Variants in ZFYVE21 observed in about 807,000 individuals in gnomAD.
The protein encoded by ZFYVE21 is zinc finger FYVE domain-containing protein 21.
Under a neutral mutation model 29.5 loss-of-function variants are expected in ZFYVE21, and 21 were observed. The observed-to-expected ratio is 0.71, with a 90% CI of 0.50 to 1.02. The LOEUF is 1.02. ZFYVE21 is among the 50% of genes least tolerant of loss of function. The pLI is 0.00. For missense variants in ZFYVE21, 326 were observed against 335.4 expected, an observed-to-expected ratio of 0.97 and a Z score of 0.22; for synonymous variants, 151 against 133.8, an observed-to-expected ratio of 1.13 and a Z score of -0.89.
intron 5 of ZFYVE21, chr14:103,730,893 C>G (rs771939921): frequency 6.6e-6 from 1 of 152,328 alleles, no homozygotes; most frequent in Admixed American, 6.5e-5. Context: ...CAAATGCAGG[C>G]GGTAGGCAGA....
rs2084002831 is a variant in ZFYVE21, at chr14:103,733,160, G to A, written c.*142G>A. The A allele has an allele frequency of 1.0e-6, 1 of 1,002,700 alleles. No individual in the cohort carries two copies. Among genetic ancestry groups the A allele is most frequent in the East Asian group, 2.5e-5 (1 of 39,724 alleles). The allele number at this position is 1,002,700 out of a possible 1,614,324, so 62.1% of individuals were successfully genotyped here. A position where few individuals can be genotyped will look rare whatever the true frequency, so the allele number is the denominator to read the frequency against. The stretch of plus-strand genomic sequence containing the variant: ...ACTCACTCATGTATTTGGAGAAACA[G>A]GAGTGTTCACTTATCTAGTGCAATA... On this transcript the variant is annotated 3_prime_UTR_variant, in exon 7 of 7. Transcript: ENST00000311141.
At chr14:103,727,373 T>TTCCCCCCCCCCCCCCGCCC in intron 2 of ZFYVE21, 1 of 129,272 alleles carries the variant, frequency 7.7e-6, no homozygotes, top group Non-Finnish European at 1.5e-5. Flanking sequence ...CCCCGCCCCC[T>TTCCCCCCCCCCCCCCGCCC]CTGCCCCCTC....
rs890338309 is a variant in ZFYVE21 at position 103,716,339 on chromosome 14, C to G, written c.138+360C>G. Among the ~76,000 whole-genome samples the G allele has an allele frequency of 1.3e-5, 2 of 152,160 alleles. No individual in the cohort carries two copies. Among genetic ancestry groups the G allele is most frequent in the Non-Finnish European group, 2.9e-5 (2 of 68,016 alleles). On this transcript the variant is annotated intron_variant, in intron 1 of 6. Coordinates refer to ENST00000311141, the MANE Select transcript of ZFYVE21 (RefSeq NM_024071.4). This position sits in a 1 kb window ranked among gnomAD's most constrained non-coding sequence, Gnocchi z 4.8. ...GGGCTAGCGCGTGTGGACTGCGTCC[C>G]GAGAGCTGGGGCTCGCTCCCGAGAA...
intron 2 of ZFYVE21, 101 bp from the exon 3 acceptor site, chr14:103,727,645 C>T (rs543471608): frequency 1.3e-6 from 2 of 1,493,588 alleles, no homozygotes; most frequent in South Asian, 1.2e-5. Context: ...AGGGGCCTCG[C>T]GTTTAGGCGT....
rs577347766 is a variant in ZFYVE21, at chr14:103,722,054, AGGC to A, written c.139-4736_139-4734del. Among the ~76,000 whole-genome samples the A allele has an allele frequency of 6.4e-4, 97 of 152,284 alleles. 1 individual carries two copies. The highest frequency in any genetic ancestry group is 2.3e-3 in the African/African-American group (94 of 41,558). On this transcript the variant is annotated intron_variant, in intron 1 of 6. Coordinates refer to ENST00000311141, the MANE Select transcript of ZFYVE21 (RefSeq NM_024071.4). ...CAGAGCTGCGGGGTCCAGTTAAAGG[AGGC>A]GCTGGTGGGAGCCTGGTCTGGGGCC... is the stretch of plus-strand genomic sequence containing the variant.
chr14:103,727,358 C>T, intron 2 of ZFYVE21: 1 of 370,958 alleles, frequency 2.7e-6, no homozygotes, highest in Non-Finnish European at 5.3e-6. Context: ...GTGCACCCAC[C>T]TGCCCCCCGC....
intron 5 of ZFYVE21, chr14:103,729,822 C>T (rs753583654): frequency 1.1e-5 from 17 of 1,536,202 alleles, no homozygotes; most frequent in Non-Finnish European, 1.4e-5. Context: ...CACCAGCCTC[C>T]GGGGGAGCCA....
At chr14:103,720,758 G>A (rs1182031012) in intron 1 of ZFYVE21, among the ~76,000 whole-genome samples, 1 of 152,162 alleles carries the variant, frequency 6.6e-6, no homozygotes, top group Non-Finnish European at 1.5e-5. Flanking sequence ...GTCTCGACCT[G>A]CAGGTCTCTA....
intron 5 of ZFYVE21, 144 bp from the exon 6 acceptor site, chr14:103,732,476 G>A: frequency 1.0e-6 from 1 of 970,286 alleles, no homozygotes; most frequent in Non-Finnish European, 1.4e-6. Flanking sequence ...TGTTCCCTGG[G>A]TGCTCCTGAG....
At chr14:103,725,251 G>A (rs2083912236) in intron 1 of ZFYVE21, 1 of 152,406 alleles carries the variant, frequency 6.6e-6, no homozygotes. Context: ...TGAGGTTTGG[G>A]AGTTCCGTGC....
At chr14:103,724,177 C>G (rs111228955) in intron 1 of ZFYVE21, among the ~76,000 whole-genome samples, 1 of 152,218 alleles carries the variant, frequency 6.6e-6, no homozygotes, top group African/African-American at 2.4e-5. Context: ...GGCGGCCGCG[C>G]GGTCCCCACC....
chr14:103,730,322 G>C (rs943663193), intron 5 of ZFYVE21: 5 of 157,342 alleles, frequency 3.2e-5, no homozygotes, highest in African/African-American at 1.2e-4. Flanking sequence ...GGATGTGTGT[G>C]GAGCCGGGAT....
intron 1 of ZFYVE21, among the ~76,000 whole-genome samples, chr14:103,721,667 C>T (rs529196650): frequency 6.6e-6 from 1 of 152,362 alleles, no homozygotes; most frequent in East Asian, 1.9e-4. Flanking sequence ...AGGGGCACTG[C>T]CCAAGCTGAC....
At chr14:103,721,073 A>G (rs2083867970) in intron 1 of ZFYVE21, among the ~76,000 whole-genome samples, 1 of 151,908 alleles carries the variant, frequency 6.6e-6, no homozygotes, top group Admixed American at 6.6e-5. Flanking sequence ...CAGTCCACCC[A>G]CCTCAGCCTC....
chr14:103,733,336 T>C lies in ZFYVE21; in HGVS notation c.*318T>C. 3.4e-6 allele frequency: 1 copy of C among 292,990 alleles called. No individual in the cohort carries two copies. The highest frequency in any genetic ancestry group is 6.5e-6 in the Non-Finnish European group (1 of 153,882). 18.1% of individuals were successfully genotyped at this position (292,990 alleles called of 1,614,324 possible). On this transcript the variant is annotated 3_prime_UTR_variant, in exon 7 of 7. Coordinates refer to ENST00000311141, the MANE Select transcript of ZFYVE21 (RefSeq NM_024071.4). Reference sequence around the variant, plus strand: ...CATTTTTATGAGTTCGCAGGTCTACTAGAAGGTTCTGGCCCATCAATATTC... The same window carrying C: ...CATTTTTATGAGTTCGCAGGTCTACCAGAAGGTTCTGGCCCATCAATATTC...
At chr14:103,723,587 G>T (rs1036550095) in intron 1 of ZFYVE21, among the ~76,000 whole-genome samples, 3 of 152,242 alleles carry the variant, frequency 2.0e-5, no homozygotes, top group African/African-American at 4.8e-5. Context: ...AACTCGGCAG[G>T]GATGAGGCCC....
intron 6 of ZFYVE21, 109 bp from the exon 7 acceptor site, chr14:103,732,874 C>T (rs1301725259): frequency 1.2e-6 from 2 of 1,602,152 alleles, no homozygotes; most frequent in Admixed American, 1.7e-5. Flanking sequence ...CAACCTGTTC[C>T]CCCTCAGCTG....
chr14:103,719,736 C>T (rs1480744475), intron 1 of ZFYVE21, among the ~76,000 whole-genome samples: 6 of 152,068 alleles, frequency 3.9e-5, no homozygotes, highest in African/African-American at 1.4e-4. Context: ...GCCAGAGCCT[C>T]CACAGGTGTT....
chr14:103,719,076 G>T (rs1448306715), intron 1 of ZFYVE21, among the ~76,000 whole-genome samples: 3 of 152,200 alleles, frequency 2.0e-5, no homozygotes, highest in African/African-American at 7.2e-5. Context: ...GGATGGGCCA[G>T]TGGAGGGTCA....
Sources: gnomAD v4.1 joint callset for allele counts (sites outside exome capture counted in the v4.1 genomes callset) on GRCh38, gnomAD v4.1.1 for gene constraint, Gnocchi (gnomAD v3.1) non-coding constraint, MANE v1.5 for transcripts, NCBI Gene and HGNC (gene_info 2026-07-23, HGNC 2026-07-21) for gene names.